Variants in AFAP1L2 observed in about 807,000 individuals in gnomAD.
AFAP1L2 encodes the protein actin filament associated protein 1 like 2.
Under a neutral mutation model 99.3 loss-of-function variants are expected in AFAP1L2, and 46 were observed. The ratio of observed to expected loss-of-function variants is 0.46; its 90% CI spans 0.37 to 0.59. The LOEUF is 0.59. AFAP1L2 is among the 20% of genes least tolerant of loss of function. The probability of loss-of-function intolerance (pLI) is 0.00; values close to 1 mark genes in which losing one functional copy is unlikely to be tolerated. For missense variants in AFAP1L2, 959 were observed against 1,034.9 expected, an observed-to-expected ratio of 0.93 and a Z score of 1.01; for synonymous variants, 397 against 419.1, an observed-to-expected ratio of 0.95 and a Z score of 0.64.
At chr10:114,290,938 C>T (rs947235305), downstream of AFAP1L2, among the ~76,000 whole-genome samples, 2 of 152,164 alleles carry the variant, frequency 1.3e-5, no homozygotes, top group African/African-American at 4.8e-5. Flanking sequence ...AGAGGTCCAA[C>T]TATGGCTCCT....
In AFAP1L2 at chr10:114,333,299, C is replaced by G. The variant is rs1225368828; in HGVS notation, c.146-4G>C. 1 of 1,612,968 alleles carries G rather than the reference C, an allele frequency of 6.2e-7. No homozygotes were observed. Among genetic ancestry groups the G allele is most frequent in the African/African-American group, 1.3e-5 (1 of 74,902 alleles). ...TAAATGTACTCCTCATCAGAGCCTG[C>G]AGAAGGAAGGAGACACAGGCTTTGT... is the stretch of plus-strand genomic sequence containing the variant. On this transcript the variant is annotated splice_polypyrimidine_tract_variant and splice_region_variant and intron_variant, in intron 2 of 18. Transcript: ENST00000304129.
At chr10:114,336,490 A>G (rs916550654) in intron 2 of AFAP1L2, among the ~76,000 whole-genome samples, 4 of 152,232 alleles carry the variant, frequency 2.6e-5, no homozygotes, top group African/African-American at 7.2e-5. Context: ...ATCGTTACAC[A>G]GTGGGTGGGA....
In AFAP1L2 at chr10:114,377,121, A is replaced by C. The variant is rs1228223643; in HGVS notation, c.16+27319T>G. ...TTTGGTCCATGGTTTACTAATTCAC[A>C]CTCACCCATCTCCTTCCTAGTCCCA... On this transcript the variant is annotated intron_variant, in intron 1 of 18. Coordinates refer to ENST00000304129, the MANE Select transcript of AFAP1L2 (RefSeq NM_001001936.3). This position sits in a 1 kb window ranked among gnomAD's most constrained non-coding sequence, Gnocchi z 4.0. 2.6e-5 allele frequency among the ~76,000 whole-genome samples: 4 copies of C among 152,148 alleles called. No individual in the cohort carries two copies. The highest frequency in any genetic ancestry group is 1.3e-4 in the Admixed American group (2 of 15,264).
intron 1 of AFAP1L2, among the ~76,000 whole-genome samples, chr10:114,390,552 CT>C (rs1388847460): frequency 6.6e-6 from 1 of 152,044 alleles, no homozygotes; most frequent in African/African-American, 2.4e-5. Context: ...GAAACCCCAT[CT>C]CTACTAAAAA....
chr10:114,286,005 C>T, the AFAP1L2 span: 1 of 1,614,084 alleles, frequency 6.2e-7, no homozygotes. Flanking sequence ...GCGGGCACCA[C>T]TCTGGACGGC....
intron 4 of AFAP1L2, among the ~76,000 whole-genome samples, chr10:114,329,334 CA>C (rs2046897168): frequency 1.3e-5 from 2 of 152,184 alleles, no homozygotes; most frequent in South Asian, 4.1e-4. Context: ...AATTAACTTA[CA>C]GCTGTAGCCA....
Position 114,404,494 on chromosome 10 carries a change from C to T in AFAP1L2, c.-39G>A. 1 of 1,527,790 alleles carries T rather than the reference C, an allele frequency of 6.5e-7. No individual in the cohort carries two copies. The allele number at this position is 1,527,790 out of a possible 1,614,324, so 94.6% of individuals were successfully genotyped here. On this transcript the variant is annotated 5_prime_UTR_variant, in exon 1 of 19. Transcript: ENST00000304129. ...TGCGCTCCTCGCGGCTCGGCTTCTG[C>T]GCTGCTCTCCCGGCGCTCGGCTCAG...
chr10:114,319,917 T>C (rs1464181412), intron 5 of AFAP1L2, among the ~76,000 whole-genome samples: 1 of 152,170 alleles, frequency 6.6e-6, no homozygotes, highest in Admixed American at 6.5e-5. Flanking sequence ...GCAGAAGTGA[T>C]GTGCGTGACT....
intron 1 of AFAP1L2, among the ~76,000 whole-genome samples, chr10:114,402,736 T>G (rs1279572284): frequency 6.6e-6 from 1 of 152,190 alleles, no homozygotes; most frequent in East Asian, 1.9e-4. Context: ...ACAAAAGCCT[T>G]CTGAGAATAA....
At chr10:114,359,686 C>T (rs2051937405) in intron 1 of AFAP1L2, among the ~76,000 whole-genome samples, 1 of 152,182 alleles carries the variant, frequency 6.6e-6, no homozygotes, top group Non-Finnish European at 1.5e-5. Context: ...TTAGTATGGA[C>T]CTGGACAAAG....
intron 1 of AFAP1L2, among the ~76,000 whole-genome samples, chr10:114,370,204 G>T (rs561267197): frequency 7.9e-5 from 12 of 152,152 alleles, no homozygotes; most frequent in African/African-American, 2.9e-4. Context: ...AATCCACTCT[G>T]CAAGACTGAG....
chr10:114,323,266 G>C lies in AFAP1L2; in HGVS notation c.316-5C>G. ...AAGCTGTTTCCGTTCTGGAATCTGT[G>C]GTATGAACAAATAAGACAAACGTTT... is the stretch of plus-strand genomic sequence containing the variant. On this transcript the variant is annotated splice_region_variant and splice_polypyrimidine_tract_variant and intron_variant, in intron 4 of 18. Coordinates refer to ENST00000304129, the MANE Select transcript of AFAP1L2 (RefSeq NM_001001936.3). The C allele has an allele frequency of 6.3e-7, 1 of 1,587,298 alleles. No homozygotes were observed. The highest frequency in any genetic ancestry group is 8.6e-7 in the Non-Finnish European group (1 of 1,165,062).
chr10:114,367,632 A>G (rs1380843394), intron 1 of AFAP1L2, among the ~76,000 whole-genome samples: 1 of 152,196 alleles, frequency 6.6e-6, no homozygotes, highest in Non-Finnish European at 1.5e-5. Flanking sequence ...CCCCCAGTAA[A>G]TCACTGTTAA....
chr10:114,333,336 A>G (rs1303712015), intron 2 of AFAP1L2, 41 bp from the exon 3 acceptor site: 1 of 1,531,100 alleles, frequency 6.5e-7, no homozygotes, highest in Non-Finnish European at 9.1e-7. Flanking sequence ...TGACTTCCTG[A>G]AGAGAAAGGG....
the AFAP1L2 span, chr10:114,282,498 TG>T: frequency 1.2e-6 from 2 of 1,611,926 alleles, no homozygotes; most frequent in Non-Finnish European, 1.7e-6. Context: ...TCTATAATTC[TG>T]TTTCCTTGGA....
At chr10:114,362,973 G>A in intron 1 of AFAP1L2, 2 of 985,402 alleles carry the variant, frequency 2.0e-6, no homozygotes, top group Non-Finnish European at 2.4e-6. Context: ...AGTGGGCCGG[G>A]GAATTCCCTG....
At position 114,297,177 on chromosome 10, in the gene AFAP1L2, G is replaced by A. The variant is rs190936393; in HGVS notation, c.2307+43C>T. 5.5e-4 allele frequency: 857 copies of A among 1,563,316 alleles called. 7 individuals carry two copies. In the African/African-American group the frequency reaches 9.9e-3, roughly 18 times the overall value. On this transcript the variant is annotated intron_variant, in intron 17 of 18. Transcript: ENST00000304129. Reference sequence around the variant, plus strand: ...CCCACCCACCCCAACCCATGTCCAGGGAGCCCTGCAAGCAGCCCAGAGGCC... The same window carrying A: ...CCCACCCACCCCAACCCATGTCCAGAGAGCCCTGCAAGCAGCCCAGAGGCC...
rs1207204996 is a variant in AFAP1L2, at chr10:114,295,283, C to G, written c.*759G>C. The G allele has an allele frequency of 1.0e-6, 1 of 984,926 alleles. No individual in the cohort carries two copies. Among genetic ancestry groups the G allele is most frequent in the Non-Finnish European group, 1.2e-6 (1 of 829,066 alleles). 61.0% of individuals were successfully genotyped at this position (984,926 alleles called of 1,614,324 possible). A position where few individuals can be genotyped will look rare whatever the true frequency, so the allele number is the denominator to read the frequency against. ...AGAGTCACTTTAATCTCAAAAGATA[C>G]TTTTCACTGTTCTAAATGACAGGAT... On this transcript the variant is annotated 3_prime_UTR_variant, in exon 19 of 19. Transcript: ENST00000304129.
intron 5 of AFAP1L2, chr10:114,319,518 C>A (rs2044754452): frequency 1.6e-6 from 2 of 1,259,814 alleles, no homozygotes; most frequent in Non-Finnish European, 2.1e-6. Context: ...AGACAGGCAG[C>A]AGGCAAGAAT....
Sources: gnomAD v4.1 joint callset for allele counts (sites outside exome capture counted in the v4.1 genomes callset) on GRCh38, gnomAD v4.1.1 for gene constraint, Gnocchi (gnomAD v3.1) non-coding constraint, MANE v1.5 for transcripts, NCBI Gene and HGNC (gene_info 2026-07-23, HGNC 2026-07-21) for gene names.